The following GRM5 variants were observed in gnomAD, a reference collection of about 807,000 sequenced individuals.
The protein encoded by GRM5 is metabotropic glutamate receptor 5.
A neutral mutation model predicts 83.1 loss-of-function variants in GRM5; 19 were observed. The ratio of observed to expected loss-of-function variants is 0.23; its 90% CI spans 0.16 to 0.34. The LOEUF is 0.34. Among genes scored for constraint, GRM5 ranks in the 10% least tolerant of loss-of-function variants. The pLI is 1.00. For missense variants in GRM5, 1,160 were observed against 1,588.3 expected (o/e 0.73, Z 4.58); for synonymous variants, 675 against 633.6 (o/e 1.07, Z -0.98).
At chr11:88,738,561 A>G (rs1195195278) in intron 3 of GRM5, among the ~76,000 whole-genome samples, 1 of 152,116 alleles carries the variant, frequency 6.6e-6, no homozygotes, top group Non-Finnish European at 1.5e-5. Flanking sequence ...ACTATTTCAC[A>G]GTTAAGAAAG....
intron 2 of GRM5, among the ~76,000 whole-genome samples, chr11:88,990,585 T>G (rs1415523507): frequency 6.7e-6 from 1 of 149,218 alleles, no homozygotes; most frequent in African/African-American, 2.5e-5. Flanking sequence ...ACCAATATCC[T>G]TGATGAACAT....
chr11:88,685,747 G>A (rs527934914), intron 3 of GRM5, among the ~76,000 whole-genome samples: 9 of 152,340 alleles, frequency 5.9e-5, no homozygotes. Flanking sequence ...TGGCTTCAGA[G>A]GGTGCGACCC....
chr11:89,035,179 T>A lies in GRM5; in HGVS notation c.661+12033A>T, dbSNP rs551238811. Among the ~76,000 whole-genome samples the A allele has an allele frequency of 7.2e-5, 11 of 151,828 alleles. 1 individual carries two copies. Among genetic ancestry groups the A allele is most frequent in the African/African-American group, 2.7e-4 (11 of 41,442 alleles). On this transcript the variant is annotated intron_variant, in intron 2 of 9. Transcript: ENST00000305447. ...CTGTCTTCATGTATTTCCTGTTTTA[T>A]GAAATCATTTCCATAAAAACATATT...
intron 2 of GRM5, among the ~76,000 whole-genome samples, chr11:88,917,210 T>A (rs1157433225): frequency 6.6e-6 from 1 of 152,196 alleles, no homozygotes; most frequent in African/African-American, 2.4e-5. Context: ...ATACTGGGAA[T>A]TCTCTTGTAT....
intron 7 of GRM5, among the ~76,000 whole-genome samples, chr11:88,586,961 C>T (rs1441234704): frequency 1.3e-5 from 2 of 152,168 alleles, no homozygotes; most frequent in Non-Finnish European, 2.9e-5. Context: ...TTAATACCTA[C>T]TTTAATCTTC....
intron 4 of GRM5, among the ~76,000 whole-genome samples, chr11:88,633,264 A>T (rs1417604940): frequency 6.6e-6 from 1 of 152,178 alleles, no homozygotes; most frequent in Admixed American, 6.5e-5. Flanking sequence ...AGAATTTCTC[A>T]TCTACCCCAA....
intron 3 of GRM5, among the ~76,000 whole-genome samples, chr11:88,755,687 G>T (rs1942381401): frequency 1.3e-5 from 2 of 152,072 alleles, no homozygotes; most frequent in Admixed American, 6.6e-5. Context: ...CCCAAAGATG[G>T]CCTCTATGAT....
chr11:88,872,331 A>T (rs1944783508), intron 2 of GRM5, among the ~76,000 whole-genome samples: 1 of 151,622 alleles, frequency 6.6e-6, no homozygotes, highest in East Asian at 1.9e-4. Context: ...CAAAGAAGTG[A>T]TGCAAATTAG....
At chr11:88,734,309 A>G (rs1480294808) in intron 3 of GRM5, among the ~76,000 whole-genome samples, 1 of 152,038 alleles carries the variant, frequency 6.6e-6, no homozygotes, top group East Asian at 1.9e-4. Flanking sequence ...CACACCTGTT[A>G]TTATTATGTT....
intron 2 of GRM5, among the ~76,000 whole-genome samples, chr11:89,015,518 C>A (rs2155024): frequency 0.67 from 101,274 of 151,812 alleles, 35,395 homozygotes; most frequent in African/African-American, 0.89. Flanking sequence ...ATAAAAAAAA[C>A]TTTTTTTCTG....
intron 3 of GRM5, among the ~76,000 whole-genome samples, chr11:88,818,642 G>A (rs1197759173): frequency 6.6e-6 from 1 of 152,070 alleles, no homozygotes; most frequent in African/African-American, 2.4e-5. Flanking sequence ...TATATTTGCA[G>A]AAGGCATTAT....
chr11:88,928,907 T>TATATATATACACACACAC (rs369951090), intron 2 of GRM5, among the ~76,000 whole-genome samples: 25 of 138,758 alleles, frequency 1.8e-4, no homozygotes, highest in East Asian at 8.4e-4. Context: ...TATGTGTATA[T>TATATATATACACACACAC]ACACACACAC....
chr11:88,952,025 T>A (rs1465484109), intron 2 of GRM5, among the ~76,000 whole-genome samples: 1 of 152,152 alleles, frequency 6.6e-6, no homozygotes, highest in African/African-American at 2.4e-5. Flanking sequence ...GCAGTTCTGT[T>A]CCTGCCACTC....
chr11:89,060,229 T>G lies in GRM5; in HGVS notation c.-201+5547A>C, dbSNP rs1941961170. On this transcript the variant is annotated intron_variant, in intron 1 of 9. Transcript: ENST00000305447. ...TCTTTTGCGTATGTATGTATATATATTTCCATTATTTTTGCCTTTTACATA... is the reference window on the plus strand; with the variant it reads ...TCTTTTGCGTATGTATGTATATATAGTTCCATTATTTTTGCCTTTTACATA... 2.6e-5 allele frequency among the ~76,000 whole-genome samples: 4 copies of G among 151,916 alleles called. No homozygotes were observed. In the South Asian group the frequency reaches 8.3e-4, roughly 32 times the overall value.
At chr11:88,620,596 A>G (rs1455471096) in intron 4 of GRM5, among the ~76,000 whole-genome samples, 1 of 152,234 alleles carries the variant, frequency 6.6e-6, no homozygotes, top group Non-Finnish European at 1.5e-5. Flanking sequence ...ATCAAGTTTA[A>G]TAAAACAAAT....
At chr11:88,910,003 A>C (rs1945469450) in intron 2 of GRM5, among the ~76,000 whole-genome samples, 1 of 152,062 alleles carries the variant, frequency 6.6e-6, no homozygotes, top group South Asian at 2.1e-4. Context: ...GTGCTAAGTA[A>C]CTATCAGCAC....
At chr11:89,064,888 C>CTCTGTGTGTGTGTGTG (rs1218318990) in intron 1 of GRM5, among the ~76,000 whole-genome samples, 19 of 62,260 alleles carry the variant, frequency 3.1e-4, no homozygotes, top group African/African-American at 1.2e-3. Context: ...CTCTCTCTCT[C>CTCTGTGTGTGTGTGTG]TGTGTGTGTG....
chr11:88,713,538 A>G (rs2135386664), intron 3 of GRM5, among the ~76,000 whole-genome samples: 1 of 152,182 alleles, frequency 6.6e-6, no homozygotes, highest in Admixed American at 6.6e-5. Flanking sequence ...CTACATAGTG[A>G]CAGACAGAAA....
rs1309809202 is a variant in GRM5, at chr11:88,507,903, C to G, written c.*689G>C. The G allele has an allele frequency of 6.6e-6, 1 of 152,574 alleles. No individual in the cohort carries two copies. Among genetic ancestry groups the G allele is most frequent in the East Asian group, 1.9e-4 (1 of 5,194 alleles). 9.5% of individuals were successfully genotyped at this position (152,574 alleles called of 1,614,324 possible). ...AAATAAGTAGGTGGAATCCCCGATG[C>G]AGGCTTTTGGAAGAGTATTTCACAA... On this transcript the variant is annotated 3_prime_UTR_variant, in exon 10 of 10. Transcript: ENST00000305447.
Sources: gnomAD v4.1 joint callset for allele counts (sites outside exome capture counted in the v4.1 genomes callset) on GRCh38, gnomAD v4.1.1 for gene constraint, MANE v1.5 for transcripts, NCBI Gene and HGNC (gene_info 2026-07-23, HGNC 2026-07-21) for gene names.